ADAM17: variants seen among roughly 807,000 people sequenced by gnomAD.
ADAM17 encodes the protein disintegrin and metalloproteinase domain-containing protein 17.
A neutral mutation model predicts 96.7 loss-of-function variants in ADAM17; 39 were observed. The ratio of observed to expected loss-of-function variants is 0.40; its 90% CI spans 0.31 to 0.53. The LOEUF is 0.53. ADAM17 is among the 20% of genes least tolerant of loss of function. ADAM17 has a pLI of 0.44. For synonymous variants in ADAM17, 344 were observed against 359.2 expected (o/e 0.96, Z 0.48); for missense variants, 777 against 1,013.2 (o/e 0.77, Z 3.17).
intron 11 of ADAM17, among the ~76,000 whole-genome samples, chr2:9,508,862 T>C (rs1312324951): frequency 1.3e-5 from 2 of 151,646 alleles, no homozygotes; most frequent in Non-Finnish European, 1.5e-5. Context: ...CAAAAAGGGG[T>C]AGAAAAATGT....
At chr2:9,555,458 T>G in intron 1 of ADAM17, 51 bp downstream of exon 1, 2 of 1,479,158 alleles carry the variant, frequency 1.4e-6, no homozygotes, top group Non-Finnish European at 1.8e-6. Context: ...TGCTCTTCCC[T>G]CAAACGAGCG....
intron 3 of ADAM17, among the ~76,000 whole-genome samples, chr2:9,536,369 G>C (rs1017808122): frequency 6.6e-6 from 1 of 152,062 alleles, no homozygotes; most frequent in African/African-American, 2.4e-5. Flanking sequence ...GGATCACCAA[G>C]TATTTTATCT....
At chr2:9,508,241 T>C (rs1663531081) in intron 11 of ADAM17, among the ~76,000 whole-genome samples, 1 of 152,218 alleles carries the variant, frequency 6.6e-6, no homozygotes, top group South Asian at 2.1e-4. Flanking sequence ...TCACATATTT[T>C]ACAGTTTCTA....
intron 5 of ADAM17, among the ~76,000 whole-genome samples, chr2:9,526,679 C>A (rs1030998076): frequency 1.3e-5 from 2 of 152,088 alleles, no homozygotes; most frequent in African/African-American, 4.8e-5. Context: ...GCCTGTAATC[C>A]CAGCTACTTG....
chr2:9,549,278 G>A (rs1558527928), intron 1 of ADAM17, among the ~76,000 whole-genome samples: 1 of 152,140 alleles, frequency 6.6e-6, no homozygotes, highest in African/African-American at 2.4e-5. Context: ...GCCTGAGGCA[G>A]GAGAATCGCT....
intron 2 of ADAM17, among the ~76,000 whole-genome samples, chr2:9,542,291 G>A (rs1005432289): frequency 6.6e-6 from 1 of 152,158 alleles, no homozygotes; most frequent in Non-Finnish European, 1.5e-5. Context: ...TGTAATCCCA[G>A]CACTTTGGGA....
chr2:9,544,628 C>A (rs1665338437), intron 1 of ADAM17, among the ~76,000 whole-genome samples: 5 of 152,084 alleles, frequency 3.3e-5, no homozygotes, highest in Admixed American at 3.3e-4. Flanking sequence ...GAGATGGAGA[C>A]CATCCTGGCA....
chr2:9,509,874 C>T lies in ADAM17; in HGVS notation c.1344+105G>A, dbSNP rs1663636214. ...GGTACTTTGTAATTTGCACATCCATCCCTAGGGAAACGCCTAGGAATGGAA... is the reference window on the plus strand; with the variant it reads ...GGTACTTTGTAATTTGCACATCCATTCCTAGGGAAACGCCTAGGAATGGAA... On this transcript the variant is annotated intron_variant, in intron 11 of 18. Transcript: ENST00000310823. 2.8e-6 allele frequency: 4 copies of T among 1,414,754 alleles called. No individual in the cohort carries two copies. In the Admixed American group the frequency reaches 7.9e-5, roughly 28 times the overall value. 87.6% of individuals were successfully genotyped at this position (1,414,754 alleles called of 1,614,324 possible).
chr2:9,541,506 T>C (rs1473560176), intron 2 of ADAM17, among the ~76,000 whole-genome samples: 1 of 152,028 alleles, frequency 6.6e-6, no homozygotes, highest in Non-Finnish European at 1.5e-5. Context: ...GAGGCTTCAG[T>C]GAGCTAAGAT....
At chr2:9,534,638 T>C (rs1341201005) in intron 4 of ADAM17, among the ~76,000 whole-genome samples, 1 of 152,202 alleles carries the variant, frequency 6.6e-6, no homozygotes, top group African/African-American at 2.4e-5. Flanking sequence ...AGACAAACTG[T>C]ACATATTGTA....
chr2:9,490,586 C>A, intron 18 of ADAM17, 68 bp from the exon 19 acceptor site: 1 of 1,437,438 alleles, frequency 7.0e-7, no homozygotes, highest in South Asian at 1.4e-5. Flanking sequence ...ACAGCTCCAC[C>A]CTTACCCATC....
intron 16 of ADAM17, 67 bp downstream of exon 16, chr2:9,493,678 GCA>G: frequency 7.3e-7 from 1 of 1,368,420 alleles, no homozygotes; most frequent in East Asian, 2.3e-5. Context: ...CACTCTGAAA[GCA>G]CACTTTTCTA....
intron 5 of ADAM17, 99 bp downstream of exon 5, chr2:9,527,687 T>G: frequency 1.2e-6 from 1 of 823,560 alleles, no homozygotes; most frequent in Non-Finnish European, 1.7e-6. Flanking sequence ...CTATAGTTAC[T>G]TGACAATCAT....
At chr2:9,514,521 ATATATATATATAT>A (rs2125013990) in intron 10 of ADAM17, among the ~76,000 whole-genome samples, 1 of 3,216 alleles carries the variant, frequency 3.1e-4, no homozygotes, top group Admixed American at 1.3e-3. Context: ...AAATATAAAT[ATATATATATATAT>A]ATATATATAT....
At chr2:9,550,145 T>C (rs547611186) in intron 1 of ADAM17, among the ~76,000 whole-genome samples, 1 of 152,222 alleles carries the variant, frequency 6.6e-6, no homozygotes, top group East Asian at 1.9e-4. Flanking sequence ...GTGCGGGTTG[T>C]TGGGACTAAG....
At chr2:9,509,875 C>G in intron 11 of ADAM17, 104 bp downstream of exon 11, 1 of 1,447,888 alleles carries the variant, frequency 6.9e-7, no homozygotes, top group South Asian at 1.3e-5. Context: ...CACATCCATC[C>G]CTAGGGAAAC....
chr2:9,538,407 GTTT>G (rs1665076537), intron 2 of ADAM17, among the ~76,000 whole-genome samples: 1 of 152,276 alleles, frequency 6.6e-6, no homozygotes, highest in South Asian at 2.1e-4. Flanking sequence ...TTTGCTTGTG[GTTT>G]TTTAATGGTC....
chr2:9,551,498 C>T (rs1039069357), intron 1 of ADAM17, among the ~76,000 whole-genome samples: 1 of 152,114 alleles, frequency 6.6e-6, no homozygotes, highest in Non-Finnish European at 1.5e-5. Flanking sequence ...CTTGCTCTGT[C>T]GCCCAGGCTG....
rs1422318812 is a variant in ADAM17, at chr2:9,499,110, CTTCTTT to C, written c.1649-1868_1649-1863del. Among the ~76,000 whole-genome samples the C allele has an allele frequency of 5.8e-3, 802 of 138,692 alleles. 4 individuals are homozygous for C. Among genetic ancestry groups the C allele is most frequent in the African/African-American group, 0.019 (656 of 33,966 alleles). 91.0% of individuals were successfully genotyped at this position (138,692 alleles called of 152,430 possible). A position where few individuals can be genotyped will look rare whatever the true frequency, so the allele number is the denominator to read the frequency against. On this transcript the variant is annotated intron_variant, in intron 13 of 18. Transcript: ENST00000310823. ...ATGCTAATTGCTTTTTTTCTTTCTT[CTTCTTT>C]TTTTTTTTTTTTTTTGAGGTTGTTG...
Sources: gnomAD v4.1 joint callset for allele counts (sites outside exome capture counted in the v4.1 genomes callset) on GRCh38, gnomAD v4.1.1 for gene constraint, MANE v1.5 for transcripts, NCBI Gene and HGNC (gene_info 2026-07-23, HGNC 2026-07-21) for gene names.